Variants in UNC13C observed in about 807,000 individuals in gnomAD.
The protein encoded by UNC13C is unc-13 homolog C, also known as protein unc-13 homolog C.
In UNC13C, 174 loss-of-function variants were observed where a neutral mutation model predicts 245.4. The observed-to-expected ratio is 0.71, with a 90% CI of 0.63 to 0.80. The LOEUF is 0.80. UNC13C is among the 30% of genes least tolerant of loss of function. The probability of loss-of-function intolerance (pLI) is 0.00; values close to 1 mark genes in which losing one functional copy is unlikely to be tolerated. For synonymous variants in UNC13C, 992 were observed against 895.1 expected, an observed-to-expected ratio of 1.11 and a Z score of -1.93; for missense variants, 2,829 against 2,602.9, an observed-to-expected ratio of 1.09 and a Z score of -1.89.
intron 2 of UNC13C, chr15:54,050,291 A>G: frequency 1.7e-6 from 1 of 584,116 alleles, no homozygotes. Context: ...TTTAATGATT[A>G]GCTGCTTGCC....
chr15:54,382,447 A>G (rs1374344260), intron 17 of UNC13C, among the ~76,000 whole-genome samples: 2 of 151,860 alleles, frequency 1.3e-5, no homozygotes, highest in African/African-American at 2.4e-5. Context: ...AAATTATCCT[A>G]GTGTAGTGGC....
chr15:53,953,571 C>T, the UNC13C span, among the ~76,000 whole-genome samples: 1 of 152,204 alleles, frequency 6.6e-6, no homozygotes, highest in Non-Finnish European at 1.5e-5. Flanking sequence ...TTGCTGTAAA[C>T]ATGAATGCAT....
chr15:54,422,367 A>G (rs529825238), intron 19 of UNC13C, among the ~76,000 whole-genome samples: 1 of 152,024 alleles, frequency 6.6e-6, no homozygotes, highest in Admixed American at 6.6e-5. Context: ...TTGCTTTCTT[A>G]TGATCCATTA....
intron 20 of UNC13C, among the ~76,000 whole-genome samples, chr15:54,497,184 T>A (rs1893989069): frequency 6.6e-6 from 1 of 151,860 alleles, no homozygotes; most frequent in African/African-American, 2.4e-5. Flanking sequence ...ACAAAAAAGG[T>A]AAATAAAATT....
the UNC13C span, among the ~76,000 whole-genome samples, chr15:53,855,375 T>C: frequency 6.6e-6 from 1 of 152,166 alleles, no homozygotes; most frequent in African/African-American, 2.4e-5. Flanking sequence ...CTTGTGCCAG[T>C]TTTTAAGGGG....
chr15:54,414,143 G>A (rs1380349106), intron 18 of UNC13C, among the ~76,000 whole-genome samples: 1 of 152,156 alleles, frequency 6.6e-6, no homozygotes, highest in East Asian at 1.9e-4. Flanking sequence ...AGATTAGTGG[G>A]TGTGTCCACC....
rs144246801 is a variant in UNC13C at position 54,390,639 on chromosome 15, C to T, written c.4714-2409C>T. 2.9e-3 allele frequency among the ~76,000 whole-genome samples: 447 copies of T among 151,964 alleles called. 1 individual carries two copies. The highest frequency in any genetic ancestry group is 0.01 in the African/African-American group (427 of 41,460). On this transcript the variant is annotated intron_variant, in intron 17 of 32. Coordinates refer to ENST00000260323, the MANE Select transcript of UNC13C (RefSeq NM_001080534.3). ...TTTCTTGATATAACAAATGTTATTTCATAACATTATTCATAGTAATGTTTC... is the reference window on the plus strand; with the variant it reads ...TTTCTTGATATAACAAATGTTATTTTATAACATTATTCATAGTAATGTTTC...
In UNC13C at chr15:54,227,583, G is replaced by T. The variant is rs552834595; in HGVS notation, c.3072-7447G>T. On this transcript the variant is annotated intron_variant, in intron 4 of 32. Transcript: ENST00000260323. ...GGGGGTAGTGTGTCAGGACTTCCCT[G>T]AGTGCACACACACCAGCCAAGTCAT... 2.6e-5 allele frequency among the ~76,000 whole-genome samples: 4 copies of T among 152,302 alleles called. No homozygotes were observed. In the South Asian group the frequency reaches 8.3e-4, roughly 32 times the overall value.
the UNC13C span, among the ~76,000 whole-genome samples, chr15:53,917,392 G>A: frequency 2.0e-5 from 3 of 152,016 alleles, no homozygotes; most frequent in African/African-American, 7.2e-5. Context: ...CTAGGCTCCC[G>A]AAAAAAAGAA....
the UNC13C span, among the ~76,000 whole-genome samples, chr15:53,909,494 C>T: frequency 6.8e-6 from 1 of 146,520 alleles, no homozygotes; most frequent in Admixed American, 7.0e-5. Flanking sequence ...TGGCTCACGC[C>T]TGTAATCCCA....
At chr15:54,575,171 G>T (rs1413160203) in intron 30 of UNC13C, among the ~76,000 whole-genome samples, 2 of 152,102 alleles carry the variant, frequency 1.3e-5, no homozygotes, top group African/African-American at 2.4e-5. Flanking sequence ...GAATAGCTGG[G>T]ATTACAGGTG....
intron 2 of UNC13C, among the ~76,000 whole-genome samples, chr15:54,101,564 T>C (rs16974095): frequency 0.058 from 8,790 of 152,146 alleles, 786 homozygotes; most frequent in African/African-American, 0.2. Context: ...TTCATTCTAT[T>C]TGCTCCTCCT....
intron 10 of UNC13C, among the ~76,000 whole-genome samples, chr15:54,273,855 G>A (rs780270070): frequency 1.5e-4 from 23 of 152,124 alleles, no homozygotes; most frequent in African/African-American, 5.1e-4. Context: ...AGATCAACAC[G>A]CTAGTACTGT....
chr15:53,990,738 C>G (rs989925756), intron 1 of UNC13C, among the ~76,000 whole-genome samples: 2 of 152,000 alleles, frequency 1.3e-5, no homozygotes, highest in Admixed American at 6.6e-5. Context: ...TGAAGCATTT[C>G]CTCAGTGGCT....
chr15:54,566,230 C>A (rs890772106), intron 29 of UNC13C, among the ~76,000 whole-genome samples: 2 of 151,940 alleles, frequency 1.3e-5, no homozygotes, highest in African/African-American at 4.8e-5. Flanking sequence ...TATGTGTATC[C>A]CCCTCAATAC....
chr15:54,141,667 G>T (rs1460315126), intron 2 of UNC13C, among the ~76,000 whole-genome samples: 1 of 151,740 alleles, frequency 6.6e-6, no homozygotes, highest in Admixed American at 6.6e-5. Flanking sequence ...GATGCTTTGG[G>T]TACAATTTTC....
chr15:54,568,826 G>T (rs1193746561), intron 30 of UNC13C, among the ~76,000 whole-genome samples: 1 of 152,048 alleles, frequency 6.6e-6, no homozygotes, highest in Non-Finnish European at 1.5e-5. Flanking sequence ...TTTCCTCTTG[G>T]ATACATTAAT....
intron 10 of UNC13C, among the ~76,000 whole-genome samples, chr15:54,284,204 C>A (rs1439625774): frequency 6.6e-6 from 1 of 152,104 alleles, no homozygotes; most frequent in African/African-American, 2.4e-5. Flanking sequence ...ATTAAAATAT[C>A]AAATAAATAT....
At chr15:54,136,329 G>C (rs1445052437) in intron 2 of UNC13C, among the ~76,000 whole-genome samples, 1 of 151,946 alleles carries the variant, frequency 6.6e-6, no homozygotes, top group Non-Finnish European at 1.5e-5. Flanking sequence ...TGTTTGTAGA[G>C]ACTGGTTTTG....
Sources: allele counts gnomAD v4.1 joint callset (sites outside exome capture counted in the v4.1 genomes callset), GRCh38; gene constraint gnomAD v4.1.1; transcripts MANE v1.5; gene names NCBI Gene and HGNC (gene_info 2026-07-23, HGNC 2026-07-21).